ARMC9: variants seen among roughly 807,000 people sequenced by gnomAD.
ARMC9 encodes the protein lisH domain-containing protein ARMC9.
In ARMC9, 94 loss-of-function variants were observed where a neutral mutation model predicts 107.0. The ratio of observed to expected loss-of-function variants is 0.88; its 90% CI spans 0.74 to 1.04. The LOEUF (loss-of-function observed/expected upper bound fraction) is 1.04, where lower values mean the gene tolerates loss of function less well. ARMC9 is among the 50% of genes least tolerant of loss of function. The pLI is 0.00. For missense variants in ARMC9, 942 were observed against 1,030.1 expected, an observed-to-expected ratio of 0.91 and a Z score of 1.17; for synonymous variants, 380 against 396.9, an observed-to-expected ratio of 0.96 and a Z score of 0.51.
At chr2:231,366,488 A>C (rs1488274017) in intron 23 of ARMC9, among the ~76,000 whole-genome samples, 2 of 152,142 alleles carry the variant, frequency 1.3e-5, no homozygotes, top group Non-Finnish European at 2.9e-5. Flanking sequence ...TCTTGAGGCC[A>C]GGAGTGTGAG....
intron 3 of ARMC9, among the ~76,000 whole-genome samples, chr2:231,211,541 A>C (rs567886494): frequency 2.6e-5 from 4 of 152,218 alleles, no homozygotes; most frequent in African/African-American, 9.6e-5. Flanking sequence ...TCAAAAAAAA[A>C]AAAATAGTGC....
intron 20 of ARMC9, among the ~76,000 whole-genome samples, chr2:231,341,031 C>T (rs2044470170): frequency 6.6e-6 from 1 of 151,994 alleles, no homozygotes; most frequent in African/African-American, 2.4e-5. Context: ...TAGGAAGGCC[C>T]GTCTCTACAG....
At chr2:231,353,599 C>T (rs540435073) in intron 21 of ARMC9, among the ~76,000 whole-genome samples, 2 of 150,910 alleles carry the variant, frequency 1.3e-5, no homozygotes, top group African/African-American at 2.5e-5. Flanking sequence ...CATGAGTGCC[C>T]GCAAACAGCC....
rs149113278 is a variant in ARMC9, at chr2:231,285,373, C to T, written c.1626+3240C>T. 5.3e-5 allele frequency among the ~76,000 whole-genome samples: 8 copies of T among 151,866 alleles called. No individual in the cohort carries two copies. The South Asian group carries it at 1.0e-3, about 20-fold the overall frequency. On this transcript the variant is annotated intron_variant, in intron 17 of 24. Coordinates refer to ENST00000611582, the MANE Select transcript of ARMC9 (RefSeq NM_001352754.2). ...AAAGATGTAAGTAGATGATGGGGCA[C>T]GGTGGCTCATGCCTGTAATCCTAGC...
intron 20 of ARMC9, among the ~76,000 whole-genome samples, chr2:231,342,701 A>G (rs1347265426): frequency 6.6e-6 from 1 of 152,178 alleles, no homozygotes; most frequent in Non-Finnish European, 1.5e-5. Context: ...GGAAGCAGAC[A>G]GCAGTGTTAA....
At chr2:231,202,166 AT>A (rs1186607616) in intron 1 of ARMC9, among the ~76,000 whole-genome samples, 2 of 151,656 alleles carry the variant, frequency 1.3e-5, no homozygotes, top group African/African-American at 2.4e-5. Context: ...CACCCGGCTA[AT>A]TTTTGTATTT....
At chr2:231,352,161 C>T (rs1466669627) in intron 21 of ARMC9, among the ~76,000 whole-genome samples, 1 of 151,878 alleles carries the variant, frequency 6.6e-6, no homozygotes, top group East Asian at 1.9e-4. Flanking sequence ...GAGATAGGGT[C>T]TCACTATGTT....
chr2:231,370,493 C>T (rs1469579510), intron 24 of ARMC9: 7 of 193,982 alleles, frequency 3.6e-5, no homozygotes. Flanking sequence ...CCCTGAAACT[C>T]GGACCTGCCC....
intron 19 of ARMC9, among the ~76,000 whole-genome samples, chr2:231,303,891 G>A (rs2125498962): frequency 6.6e-6 from 1 of 152,224 alleles, no homozygotes; most frequent in South Asian, 2.1e-4. Context: ...AGCCGAGATT[G>A]CGCTACTGCA....
At chr2:231,339,713 G>A (rs977916850) in intron 20 of ARMC9, among the ~76,000 whole-genome samples, 1 of 152,214 alleles carries the variant, frequency 6.6e-6, no homozygotes, top group Non-Finnish European at 1.5e-5. Flanking sequence ...GCCGAGGTGG[G>A]CAGATCACCT....
intron 20 of ARMC9, among the ~76,000 whole-genome samples, chr2:231,334,575 A>G (rs928895573): frequency 5.9e-5 from 9 of 152,232 alleles, no homozygotes; most frequent in African/African-American, 2.2e-4. Context: ...GGGTCAGGAC[A>G]TGGGCATAGC....
rs1194213928 is a variant in ARMC9, at chr2:231,362,810, CTCT to C, written c.2261+1929_2261+1931del. The C allele has an allele frequency of 6.5e-6, 1 of 154,040 alleles. No homozygotes were observed. The highest frequency in any genetic ancestry group is 1.5e-5 in the Non-Finnish European group (1 of 68,158). 9.5% of individuals were successfully genotyped at this position (154,040 alleles called of 1,614,324 possible). ...AATATTCTAAATCACAAGTGGCCAT[CTCT>C]TGTCAGGCTGACTTCAGCCCCAATT... On this transcript the variant is annotated intron_variant, in intron 23 of 24. Coordinates refer to ENST00000611582, the MANE Select transcript of ARMC9 (RefSeq NM_001352754.2). The surrounding 1 kb of genome is among the most constrained non-coding windows in gnomAD (Gnocchi z 4.7).
intron 8 of ARMC9, among the ~76,000 whole-genome samples, chr2:231,237,205 TGTAC>T (rs1448643288): frequency 9.2e-5 from 14 of 151,894 alleles, no homozygotes; most frequent in African/African-American, 3.4e-4. Context: ...TGTGTGTGTG[TGTAC>T]ACACATGCGT....
intron 1 of ARMC9, among the ~76,000 whole-genome samples, chr2:231,203,896 G>A (rs1201474520): frequency 6.6e-6 from 1 of 152,116 alleles, no homozygotes; most frequent in African/African-American, 2.4e-5. Flanking sequence ...GGAGGTGGAG[G>A]TTGCAGTGAG....
At chr2:231,301,508 T>A (rs1470397533) in intron 19 of ARMC9, among the ~76,000 whole-genome samples, 1 of 152,216 alleles carries the variant, frequency 6.6e-6, no homozygotes, top group Non-Finnish European at 1.5e-5. Context: ...TATTTTTTTT[T>A]AATGTTTTTG....
intron 17 of ARMC9, among the ~76,000 whole-genome samples, chr2:231,282,641 A>C (rs2040300520): frequency 1.3e-5 from 2 of 152,222 alleles, no homozygotes; most frequent in Admixed American, 1.3e-4. Flanking sequence ...CAGTGTATTA[A>C]ATGCTGTGGT....
chr2:231,355,744 G>A, intron 21 of ARMC9, 54 bp from the exon 22 acceptor site: 2 of 1,489,960 alleles, frequency 1.3e-6, no homozygotes, highest in African/African-American at 2.9e-5. Context: ...GCAGTCGGCA[G>A]TCCGAATCTC....
In ARMC9 at chr2:231,271,081, T is replaced by TC; in HGVS notation, c.1210+10dup. 1.2e-6 allele frequency: 2 copies of TC among 1,613,698 alleles called. No individual in the cohort carries two copies. Among genetic ancestry groups the TC allele is most frequent in the Non-Finnish European group, 1.7e-6 (2 of 1,179,740 alleles). On this transcript the variant is annotated intron_variant, in intron 13 of 24. Transcript: ENST00000611582. Reference sequence around the variant, plus strand: ...TGCGTCACTGGCAGAAGGTGAGACATCAGCTTTGCTTCAAAGATAAGAGCT... The same window carrying TC: ...TGCGTCACTGGCAGAAGGTGAGACATCCAGCTTTGCTTCAAAGATAAGAGCT...
At chr2:231,317,283 G>A (rs2042751894) in intron 19 of ARMC9, among the ~76,000 whole-genome samples, 1 of 151,892 alleles carries the variant, frequency 6.6e-6, no homozygotes, top group Admixed American at 6.6e-5. Flanking sequence ...CGATTCTCCT[G>A]CCTCAGCTTC....
Sources: gnomAD v4.1 joint callset for allele counts (sites outside exome capture counted in the v4.1 genomes callset) on GRCh38, gnomAD v4.1.1 for gene constraint, Gnocchi (gnomAD v3.1) non-coding constraint, MANE v1.5 for transcripts, NCBI Gene and HGNC (gene_info 2026-07-23, HGNC 2026-07-21) for gene names.